Variants in CDH20 observed in about 807,000 individuals in gnomAD.
CDH20 encodes the protein cadherin 20, also known as cadherin-20.
A neutral mutation model predicts 74.2 loss-of-function variants in CDH20; 29 were observed. The observed-to-expected ratio is 0.39, with a 90% CI of 0.29 to 0.53. CDH20 has a LOEUF of 0.53. CDH20 is among the 20% of genes least tolerant of loss of function. The pLI is 0.69. For synonymous variants in CDH20, 469 were observed against 405.4 expected (o/e 1.16, Z -1.88); for missense variants, 988 against 1,048.3 (o/e 0.94, Z 0.79).
At chr18:61,381,990 T>A (rs1467759885) in intron 1 of CDH20, among the ~76,000 whole-genome samples, 2 of 152,136 alleles carry the variant, frequency 1.3e-5, no homozygotes, top group African/African-American at 4.8e-5. Flanking sequence ...TGGTCACAAC[T>A]TCTGCTACTT....
At chr18:61,387,161 A>C (rs1911626394) in intron 1 of CDH20, among the ~76,000 whole-genome samples, 1 of 152,182 alleles carries the variant, frequency 6.6e-6, no homozygotes, top group South Asian at 2.1e-4. Context: ...AACAGCTTCC[A>C]TGTCATTGTT....
At chr18:61,474,571 C>T (rs558268747) in intron 1 of CDH20, among the ~76,000 whole-genome samples, 9 of 152,126 alleles carry the variant, frequency 5.9e-5, no homozygotes, top group East Asian at 1.9e-4. Context: ...TTTAATATTG[C>T]GGTACAAGTG....
At chr18:61,549,472 CATAAAAGAAAATA>C (rs1378434420) in intron 10 of CDH20, among the ~76,000 whole-genome samples, 1 of 152,128 alleles carries the variant, frequency 6.6e-6, no homozygotes, top group Non-Finnish European at 1.5e-5. Context: ...ATTTCAGAAG[CATAAAAGAAAATA>C]GTAAAAGACG....
chr18:61,420,665 G>T (rs887900562), intron 1 of CDH20, among the ~76,000 whole-genome samples: 2 of 152,140 alleles, frequency 1.3e-5, no homozygotes, highest in African/African-American at 4.8e-5. Flanking sequence ...GACAGAATGA[G>T]GCCTCCTTTT....
chr18:61,480,779 T>C (rs1910562616), intron 1 of CDH20, among the ~76,000 whole-genome samples: 1 of 152,234 alleles, frequency 6.6e-6, no homozygotes, highest in Non-Finnish European at 1.5e-5. Flanking sequence ...TTTCTGCAAA[T>C]GATGCTTTAA....
At chr18:61,543,655 C>A (rs1913122485) in intron 9 of CDH20, among the ~76,000 whole-genome samples, 1 of 152,184 alleles carries the variant, frequency 6.6e-6, no homozygotes, top group Admixed American at 6.5e-5. Flanking sequence ...TGACTCTTGT[C>A]TGTTCTGCAT....
chr18:61,416,706 A>G lies in CDH20; in HGVS notation c.-152-73696A>G, dbSNP rs187304340. Among the ~76,000 whole-genome samples, 6 of 152,320 alleles carry G rather than the reference A, an allele frequency of 3.9e-5. No individual in the cohort carries two copies. The East Asian group carries it at 1.2e-3, about 29-fold the overall frequency. ...TCTGCTTATCTCACTGGCCAGGACA[A>G]AGACACATGACCACACCTAGGTGCA... On this transcript the variant is annotated intron_variant, in intron 1 of 11. Coordinates refer to ENST00000262717, the MANE Select transcript of CDH20 (RefSeq NM_031891.4).
chr18:61,399,900 C>T (rs1254755334), intron 1 of CDH20, among the ~76,000 whole-genome samples: 5 of 152,152 alleles, frequency 3.3e-5, no homozygotes, highest in Admixed American at 3.3e-4. Flanking sequence ...GCCATTGATT[C>T]CGTGTATTAT....
At position 61,499,230 on chromosome 18, in the gene CDH20, C is replaced by T. The variant is rs1172090392; in HGVS notation, c.291C>T (p.Ile97=). 3.1e-6 allele frequency: 5 copies of T among 1,609,938 alleles called. 1 individual carries two copies. The South Asian group carries it at 4.4e-5, about 14-fold the overall frequency. ...GGGGAGACGGATCCATCAAATACAT[C>T]CTCTCGGGAGAAGGTGCTGGCATCG... ...MDRGDGSIKY[I]LSGEGAGIVF... is the part of the protein sequence containing the mutation. Residue 97 remains isoleucine (I), a synonymous_variant, in exon 3 of 12, where the codon ATC becomes ATT. Coordinates refer to ENST00000262717, the MANE Select transcript of CDH20 (RefSeq NM_031891.4).
chr18:61,349,550 G>T (rs1312060655), intron 1 of CDH20, among the ~76,000 whole-genome samples: 2 of 152,078 alleles, frequency 1.3e-5, no homozygotes, highest in East Asian at 3.9e-4. Context: ...TTGTTGGCAT[G>T]AACTTTTTAA....
intron 1 of CDH20, among the ~76,000 whole-genome samples, chr18:61,425,826 A>T (rs1373734806): frequency 6.6e-6 from 1 of 152,072 alleles, no homozygotes; most frequent in Non-Finnish European, 1.5e-5. Flanking sequence ...AACAAAAACC[A>T]CCTGTTCCCC....
intron 1 of CDH20, among the ~76,000 whole-genome samples, chr18:61,376,875 A>G (rs1219988356): frequency 1.3e-5 from 2 of 152,236 alleles, no homozygotes; most frequent in Middle Eastern, 3.4e-3. Flanking sequence ...AGAGTTGGTT[A>G]TGTGTGGAGG....
intron 1 of CDH20, among the ~76,000 whole-genome samples, chr18:61,378,068 G>T (rs1408144799): frequency 6.6e-6 from 1 of 152,168 alleles, no homozygotes; most frequent in African/African-American, 2.4e-5. Flanking sequence ...ACAGGGCTCT[G>T]TTCACATCAG....
chr18:61,515,506 C>T (rs1352554971), intron 6 of CDH20, among the ~76,000 whole-genome samples: 2 of 152,220 alleles, frequency 1.3e-5, no homozygotes, highest in Non-Finnish European at 2.9e-5. Context: ...TGTTCCTATT[C>T]GGCCATCTTG....
intron 6 of CDH20, among the ~76,000 whole-genome samples, chr18:61,524,482 A>T (rs1159343088): frequency 6.6e-6 from 1 of 152,236 alleles, no homozygotes; most frequent in Non-Finnish European, 1.5e-5. Context: ...TTATGCTCAC[A>T]CAAAAACCTC....
intron 6 of CDH20, among the ~76,000 whole-genome samples, chr18:61,512,961 G>GA (rs1173845072): frequency 2.0e-5 from 3 of 152,050 alleles, no homozygotes; most frequent in East Asian, 1.9e-4. Context: ...GTGTGGTGCT[G>GA]AAAAAAATGT....
At chr18:61,423,766 T>C (rs896765861) in intron 1 of CDH20, among the ~76,000 whole-genome samples, 8 of 152,292 alleles carry the variant, frequency 5.3e-5, no homozygotes, top group African/African-American at 1.9e-4. Context: ...GGAAAATTAT[T>C]TTATTCAATA....
At chr18:61,482,357 G>T (rs1910618534) in intron 1 of CDH20, among the ~76,000 whole-genome samples, 1 of 152,182 alleles carries the variant, frequency 6.6e-6, no homozygotes, top group Non-Finnish European at 1.5e-5. Context: ...TTTAAGTCAT[G>T]ATTGTTTCAT....
chr18:61,526,664 C>T (rs1441002938), intron 6 of CDH20, among the ~76,000 whole-genome samples: 2 of 151,868 alleles, frequency 1.3e-5, no homozygotes, highest in Admixed American at 6.6e-5. Flanking sequence ...TTTAAGTTCA[C>T]GTTCTGCCCT....
Sources: allele counts gnomAD v4.1 joint callset (sites outside exome capture counted in the v4.1 genomes callset), GRCh38; gene constraint gnomAD v4.1.1; transcripts MANE v1.5; gene names NCBI Gene and HGNC (gene_info 2026-07-23, HGNC 2026-07-21).